Variants in SLC8A3 observed in about 807,000 individuals in gnomAD.
SLC8A3 encodes the protein sodium/calcium exchanger 3.
A neutral mutation model predicts 65.4 loss-of-function variants in SLC8A3; 37 were observed. The ratio of observed to expected loss-of-function variants is 0.57; its 90% CI spans 0.44 to 0.74. The LOEUF is 0.74. SLC8A3 is among the 30% of genes least tolerant of loss of function. The pLI is 0.00. For synonymous variants in SLC8A3, 461 were observed against 444.5 expected, an observed-to-expected ratio of 1.04 and a Z score of -0.47; for missense variants, 1,112 against 1,172.1, an observed-to-expected ratio of 0.95 and a Z score of 0.75.
At chr14:70,141,496 A>G (rs1022681252) in intron 2 of SLC8A3, among the ~76,000 whole-genome samples, 1 of 152,230 alleles carries the variant, frequency 6.6e-6, no homozygotes, top group Non-Finnish European at 1.5e-5. Flanking sequence ...GGAGATTTAC[A>G]TCCTCTGGCT....
intron 2 of SLC8A3, among the ~76,000 whole-genome samples, chr14:70,146,618 T>C (rs1895944443): frequency 6.6e-6 from 1 of 152,214 alleles, no homozygotes; most frequent in Non-Finnish European, 1.5e-5. Context: ...TTTATAAAAT[T>C]TGAATGACTG....
intron 2 of SLC8A3, among the ~76,000 whole-genome samples, chr14:70,129,606 G>A (rs1894689483): frequency 6.6e-6 from 1 of 152,180 alleles, no homozygotes; most frequent in Non-Finnish European, 1.5e-5. Flanking sequence ...TACTGTGGAA[G>A]AGATAAGGAT....
At chr14:70,127,033 C>T (rs1894506341) in intron 2 of SLC8A3, among the ~76,000 whole-genome samples, 2 of 152,138 alleles carry the variant, frequency 1.3e-5, no homozygotes, top group African/African-American at 4.8e-5. Flanking sequence ...AGAATTCCTC[C>T]TAATTGTTGA....
intron 2 of SLC8A3, among the ~76,000 whole-genome samples, chr14:70,124,848 G>A (rs1196783702): frequency 6.6e-6 from 1 of 152,204 alleles, no homozygotes; most frequent in Non-Finnish European, 1.5e-5. Context: ...CTATATTTGG[G>A]TCAGAGAAAA....
chr14:70,069,063 A>G (rs1889751520), intron 2 of SLC8A3, among the ~76,000 whole-genome samples: 1 of 152,256 alleles, frequency 6.6e-6, no homozygotes, highest in Non-Finnish European at 1.5e-5. Context: ...AGATGCTCAA[A>G]GAGGTTAAGT....
chr14:70,083,040 T>C (rs1033643673), intron 2 of SLC8A3, among the ~76,000 whole-genome samples: 2 of 152,112 alleles, frequency 1.3e-5, no homozygotes, highest in South Asian at 4.1e-4. Flanking sequence ...CAATCTGAGC[T>C]CATGGTCCAA....
intron 1 of SLC8A3, among the ~76,000 whole-genome samples, chr14:70,182,857 A>C (rs1882872802): frequency 6.6e-6 from 1 of 152,152 alleles, no homozygotes; most frequent in Non-Finnish European, 1.5e-5. Flanking sequence ...AAGAGATGGA[A>C]CTGGGGCAGT....
In SLC8A3 at chr14:70,114,820, T is replaced by G. The variant is rs11623087; in HGVS notation, c.1784+51819A>C. On this transcript the variant is annotated intron_variant, in intron 2 of 6. Transcript: ENST00000356921. ...CAGAGGCTCTGAGGAGACTCAAATGTGCAGGTTCCTCCTCTCCTGAGCGGG... is the reference window on the plus strand; with the variant it reads ...CAGAGGCTCTGAGGAGACTCAAATGGGCAGGTTCCTCCTCTCCTGAGCGGG... Among the ~76,000 whole-genome samples the G allele has an allele frequency of 3.3e-5, 5 of 152,298 alleles. No homozygotes were observed. The East Asian group carries it at 7.7e-4, about 24-fold the overall frequency.
chr14:70,161,215 G>A (rs1005298033), intron 2 of SLC8A3, among the ~76,000 whole-genome samples: 4 of 142,172 alleles, frequency 2.8e-5, no homozygotes, highest in Admixed American at 7.3e-5. Context: ...GCGTGAACCC[G>A]GGAGGCAGAG....
At chr14:70,145,157 A>G (rs1272241103) in intron 2 of SLC8A3, among the ~76,000 whole-genome samples, 1 of 152,230 alleles carries the variant, frequency 6.6e-6, no homozygotes, top group East Asian at 1.9e-4. Context: ...TGTGGTTCAT[A>G]TGAGGCATGA....
In SLC8A3 at chr14:70,168,761, C is replaced by A. The variant is rs1214363319; in HGVS notation, c.-62-277G>T. Among the ~76,000 whole-genome samples the A allele has an allele frequency of 2.6e-5, 4 of 152,326 alleles. No homozygotes were observed. In the East Asian group the frequency reaches 7.7e-4, roughly 29 times the overall value. ...TAGCCTTCAAGTCCTGTCTCCCAAACTGGTATTACCTGTGAGAGTTCTCAA... is the reference window on the plus strand; with the variant it reads ...TAGCCTTCAAGTCCTGTCTCCCAAAATGGTATTACCTGTGAGAGTTCTCAA... On this transcript the variant is annotated intron_variant, in intron 1 of 6. Transcript: ENST00000356921.
At chr14:70,060,694 G>T in intron 3 of SLC8A3, 142 bp downstream of exon 3, 1 of 761,520 alleles carries the variant, frequency 1.3e-6, no homozygotes, top group Non-Finnish European at 2.4e-6. Context: ...AAAATCCATT[G>T]GTCAAAAAGA....
chr14:70,076,660 T>C (rs927130056), intron 2 of SLC8A3, among the ~76,000 whole-genome samples: 1 of 152,208 alleles, frequency 6.6e-6, no homozygotes, highest in Non-Finnish European at 1.5e-5. Context: ...AAAGTTCACC[T>C]TGATAGCTCC....
At chr14:70,188,305 C>T (rs1378708821) in intron 1 of SLC8A3, 74 bp downstream of exon 1, 2 of 152,414 alleles carry the variant, frequency 1.3e-5, no homozygotes, top group African/African-American at 2.4e-5. Context: ...GCATCCCAAG[C>T]CCCCCAACCT....
At chr14:70,174,907 G>A (rs969590304) in intron 1 of SLC8A3, among the ~76,000 whole-genome samples, 1 of 152,174 alleles carries the variant, frequency 6.6e-6, no homozygotes, top group Non-Finnish European at 1.5e-5. Flanking sequence ...CGTGTGGGCA[G>A]TGGCTGCACT....
At chr14:70,177,356 TA>T (rs1897972921) in intron 1 of SLC8A3, among the ~76,000 whole-genome samples, 1 of 152,176 alleles carries the variant, frequency 6.6e-6, no homozygotes, top group African/African-American at 2.4e-5. Flanking sequence ...GAACAAAATA[TA>T]ATCCCTCTAG....
chr14:70,088,252 C>A (rs1249156997), intron 2 of SLC8A3, among the ~76,000 whole-genome samples: 2 of 152,202 alleles, frequency 1.3e-5, no homozygotes, highest in African/African-American at 4.8e-5. Context: ...TGGTGTTGCT[C>A]TGAGAACTAA....
chr14:70,081,425 C>G (rs1281878562), intron 2 of SLC8A3, among the ~76,000 whole-genome samples: 1 of 152,208 alleles, frequency 6.6e-6, no homozygotes, highest in Non-Finnish European at 1.5e-5. Context: ...ATTGCATCAC[C>G]TATCTCTTTT....
Position 70,061,211 on chromosome 14 carries a change from A to C in SLC8A3, c.1785-272T>G, listed in dbSNP as rs150332244. Reference sequence around the variant, plus strand: ...AGGTGGGCAAAGGAAGGGAGCCAGAAGGACAGAAGGGGAGGAGAAGGCAGA... The same window carrying C: ...AGGTGGGCAAAGGAAGGGAGCCAGACGGACAGAAGGGGAGGAGAAGGCAGA... On this transcript the variant is annotated intron_variant, in intron 2 of 6. Transcript: ENST00000356921. Among the ~76,000 whole-genome samples the C allele has an allele frequency of 4.1e-3, 630 of 152,272 alleles. 7 individuals carry two copies. Among genetic ancestry groups the C allele is most frequent in the African/African-American group, 0.014 (586 of 41,546 alleles).
Sources: gnomAD v4.1 joint callset for allele counts (sites outside exome capture counted in the v4.1 genomes callset) on GRCh38, gnomAD v4.1.1 for gene constraint, MANE v1.5 for transcripts, NCBI Gene and HGNC (gene_info 2026-07-23, HGNC 2026-07-21) for gene names.